PON2: variants seen among roughly 807,000 people sequenced by gnomAD.
The protein encoded by PON2 is serum paraoxonase/arylesterase 2.
PON2 carries 27 observed loss-of-function variants against 36.6 expected under a neutral mutation model. The observed-to-expected ratio is 0.74, with a 90% CI of 0.54 to 1.02. PON2 has a LOEUF of 1.02. Among genes scored for constraint, PON2 ranks in the 50% least tolerant of loss-of-function variants. PON2 has a pLI of 0.00. For synonymous variants in PON2, 149 were observed against 156.3 expected, an observed-to-expected ratio of 0.95 and a Z score of 0.35; for missense variants, 363 against 421.1, an observed-to-expected ratio of 0.86 and a Z score of 1.21.
chr7:95,410,174 T>A (rs1788887844), intron 5 of PON2, 73 bp from the exon 6 acceptor site: 2 of 1,261,832 alleles, frequency 1.6e-6, no homozygotes, highest in Non-Finnish European at 2.3e-6. Flanking sequence ...TAAGTACTCA[T>A]AAGATTTATG....
At chr7:95,407,393 C>A (rs976132540) in intron 6 of PON2, among the ~76,000 whole-genome samples, 3 of 152,160 alleles carry the variant, frequency 2.0e-5, no homozygotes, top group African/African-American at 7.2e-5. Context: ...AAAGCTTTTA[C>A]ATTCCACAAT....
chr7:95,427,481 C>T lies in PON2; in HGVS notation c.75-2896G>A, dbSNP rs568948322. The stretch of plus-strand genomic sequence containing the variant: ...GTGTTCTAGATACAAAGGAGAGTCA[C>T]GAGAAGAGAGCTAGCTGGCATCACT... On this transcript the variant is annotated intron_variant, in intron 1 of 8. Coordinates refer to ENST00000222572, the MANE Select transcript of PON2 (RefSeq NM_000305.3). 3.3e-5 allele frequency among the ~76,000 whole-genome samples: 5 copies of T among 152,258 alleles called. No individual in the cohort carries two copies. The South Asian group carries it at 6.2e-4, about 19-fold the overall frequency.
chr7:95,411,952 T>C (rs1788938232), intron 4 of PON2, among the ~76,000 whole-genome samples, 173 bp from the exon 5 acceptor site: 1 of 152,230 alleles, frequency 6.6e-6, no homozygotes, highest in South Asian at 2.1e-4. Context: ...TTATTTCTGA[T>C]CATTGGCTCC....
intron 2 of PON2, among the ~76,000 whole-genome samples, chr7:95,420,728 T>G (rs575545957): frequency 6.6e-6 from 1 of 152,286 alleles, no homozygotes; most frequent in South Asian, 2.1e-4. Flanking sequence ...TTAGAGGGAT[T>G]AGTTGGCCTC....
At position 95,411,654 on chromosome 7, in the gene PON2, T is replaced by G; in HGVS notation, c.493A>C (p.Ser165Arg). The G allele has an allele frequency of 6.2e-7, 1 of 1,613,964 alleles. No homozygotes were observed. The highest frequency in any genetic ancestry group is 8.5e-7 in the Non-Finnish European group (1 of 1,179,904). The change falls in exon 5 of 9, where the codon AGT becomes CGT. Residue 165 changes from serine (S) to arginine (R), a missense_variant and splice_region_variant. Physicochemically the swap from Ser to Arg is moderately radical, Grantham distance 110 (BLOSUM62 -1). Coordinates refer to ENST00000222572, the MANE Select transcript of PON2 (RefSeq NM_000305.3). ...LKTVKHELLP[S>R]VNDITAVGPA... ...AGAAGGAACAAAATGAGGAAGTACC[T>G]TGGAAGAAGCTCATGTTTGACTGTT...
intron 3 of PON2, among the ~76,000 whole-genome samples, chr7:95,414,752 A>AT (rs1381341609): frequency 6.6e-6 from 1 of 152,240 alleles, no homozygotes; most frequent in Non-Finnish European, 1.5e-5. Context: ...TAAGCCACAC[A>AT]TGTGCAAGCA....
At chr7:95,413,548 T>C (rs1160622805) in intron 3 of PON2, among the ~76,000 whole-genome samples, 1 of 152,234 alleles carries the variant, frequency 6.6e-6, no homozygotes, top group Non-Finnish European at 1.5e-5. Flanking sequence ...TTTTATTAAA[T>C]GCTTTTTGGT....
chr7:95,409,671 A>C, intron 6 of PON2: 1 of 162,010 alleles, frequency 6.2e-6, no homozygotes, highest in Non-Finnish European at 1.3e-5. Context: ...TGTATTATAT[A>C]GTTTACTTAA....
Position 95,405,256 on chromosome 7 carries a change from T to G in PON2, c.*74A>C. On this transcript the variant is annotated 3_prime_UTR_variant, in exon 9 of 9. Transcript: ENST00000222572. Reference sequence around the variant, plus strand: ...ACATTTCTGGGTCAATGTTGCTGGTTAAATTCCCTCAGAATTAGCAATTCA... The same window carrying G: ...ACATTTCTGGGTCAATGTTGCTGGTGAAATTCCCTCAGAATTAGCAATTCA... 6.6e-7 allele frequency: 1 copy of G among 1,508,706 alleles called. No individual in the cohort carries two copies. Among genetic ancestry groups the G allele is most frequent in the Non-Finnish European group, 9.2e-7 (1 of 1,091,588 alleles). 93.5% of individuals were successfully genotyped at this position (1,508,706 alleles called of 1,614,324 possible).
intron 1 of PON2, among the ~76,000 whole-genome samples, chr7:95,430,702 A>C (rs1490678675): frequency 6.6e-6 from 1 of 151,870 alleles, no homozygotes; most frequent in Non-Finnish European, 1.5e-5. Flanking sequence ...CTGGGTTACA[A>C]TGAGCTATGA....
At chr7:95,412,513 C>T (rs1428360630) in intron 3 of PON2, 36 bp from the exon 4 acceptor site, 1 of 1,598,606 alleles carries the variant, frequency 6.3e-7, no homozygotes, top group Non-Finnish European at 8.6e-7. Context: ...AATACAAAAG[C>T]TTAAGTATTT....
At chr7:95,431,188 A>G (rs1789433726) in intron 1 of PON2, among the ~76,000 whole-genome samples, 1 of 152,178 alleles carries the variant, frequency 6.6e-6, no homozygotes, top group South Asian at 2.1e-4. Context: ...AATCCCAGTT[A>G]CAGTTCAGAA....
chr7:95,410,982 T>G (rs1374638550), intron 5 of PON2, among the ~76,000 whole-genome samples: 2 of 152,196 alleles, frequency 1.3e-5, no homozygotes, highest in Non-Finnish European at 2.9e-5. Flanking sequence ...GGCAATATTT[T>G]TAATTTCATT....
chr7:95,406,026 A>G, intron 8 of PON2, 93 bp downstream of exon 8: 1 of 1,425,896 alleles, frequency 7.0e-7, no homozygotes, highest in Non-Finnish European at 9.7e-7. Context: ...TTGCTTTAAA[A>G]TAACTAAACA....
intron 1 of PON2, among the ~76,000 whole-genome samples, chr7:95,429,410 C>T (rs1202843708): frequency 1.3e-5 from 2 of 152,150 alleles, no homozygotes; most frequent in African/African-American, 2.4e-5. Context: ...ATATGTGCCA[C>T]GTTTTCTTAA....
intron 3 of PON2, chr7:95,416,018 T>G (rs1239310373): frequency 4.3e-6 from 3 of 701,998 alleles, no homozygotes; most frequent in Admixed American, 2.9e-5. Context: ...AATATTTTAG[T>G]GCAATGCAAT....
intron 2 of PON2, 167 bp from the exon 3 acceptor site, chr7:95,416,464 T>C (rs966224943): frequency 1.4e-6 from 1 of 727,500 alleles, no homozygotes; most frequent in Non-Finnish European, 2.3e-6. Context: ...TTTAAACCCC[T>C]TCCTGAAGTG....
Position 95,424,580 on chromosome 7 carries a change from C to A in PON2, c.80G>T (p.Arg27Leu). The change falls in exon 2 of 9, where the codon CGA becomes CTA. Residue 27 changes from arginine (R) to leucine (L), a missense_variant. Transcript: ENST00000222572. ...LGERLLALRN[R>L]LKASREVESV... Reference sequence around the variant, plus strand: ...TTCTACTTCTCTGGAGGCTTTAAGTCGATTTCTGTTACAAAGAAAAAAAAA... The same window carrying A: ...TTCTACTTCTCTGGAGGCTTTAAGTAGATTTCTGTTACAAAGAAAAAAAAA... The A allele has an allele frequency of 6.2e-7, 1 of 1,611,290 alleles. No individual in the cohort carries two copies.
chr7:95,413,891 T>C (rs1788998362), intron 3 of PON2, among the ~76,000 whole-genome samples: 1 of 152,232 alleles, frequency 6.6e-6, no homozygotes, highest in Non-Finnish European at 1.5e-5. Flanking sequence ...TATTGTTACA[T>C]GGCAGTGCCA....
Sources: allele counts gnomAD v4.1 joint callset (sites outside exome capture counted in the v4.1 genomes callset), GRCh38; gene constraint gnomAD v4.1.1; transcripts MANE v1.5; gene names NCBI Gene and HGNC (gene_info 2026-07-23, HGNC 2026-07-21).